The following CLNK variants were observed in gnomAD, a reference collection of about 807,000 sequenced individuals.
The protein encoded by CLNK is cytokine dependent hematopoietic cell linker.
Under a neutral mutation model 68.6 loss-of-function variants are expected in CLNK, and 74 were observed. The observed-to-expected ratio is 1.08, with a 90% confidence interval of 0.89 to 1.31. The LOEUF is 1.31. Among genes scored for constraint, CLNK ranks in the 50% most tolerant of loss-of-function variants. The probability of loss-of-function intolerance (pLI) is 0.00; values close to 1 mark genes in which losing one functional copy is unlikely to be tolerated. For missense variants in CLNK, 553 were observed against 515.3 expected, an observed-to-expected ratio of 1.07 and a Z score of -0.71; for synonymous variants, 198 against 172.2, an observed-to-expected ratio of 1.15 and a Z score of -1.17.
intron 8 of CLNK, among the ~76,000 whole-genome samples, chr4:10,557,033 G>A (rs1025059503): frequency 1.3e-5 from 2 of 151,698 alleles, no homozygotes; most frequent in South Asian, 2.1e-4. Context: ...CCAAGATCAC[G>A]CCACTGCACT....
chr4:10,602,881 C>T (rs2108848458), intron 2 of CLNK, among the ~76,000 whole-genome samples: 1 of 152,304 alleles, frequency 6.6e-6, no homozygotes, highest in Middle Eastern at 3.4e-3. Context: ...GGAAGGCTTT[C>T]ACTAGGTGGT....
intron 8 of CLNK, among the ~76,000 whole-genome samples, chr4:10,549,852 A>G (rs943333861): frequency 1.3e-5 from 2 of 152,264 alleles, no homozygotes; most frequent in African/African-American, 2.4e-5. Flanking sequence ...CCTGGTGGTC[A>G]TAACGTGTAA....
At chr4:10,712,186 A>G in the CLNK span, among the ~76,000 whole-genome samples, 3 of 152,158 alleles carry the variant, frequency 2.0e-5, no homozygotes, top group Non-Finnish European at 4.4e-5. Flanking sequence ...CCTCATAAAG[A>G]GAAAGGTGAG....
chr4:10,550,843 G>C (rs1052832874), intron 8 of CLNK, among the ~76,000 whole-genome samples: 1 of 152,070 alleles, frequency 6.6e-6, no homozygotes, highest in Non-Finnish European at 1.5e-5. Context: ...CTTCTCTTTG[G>C]CAAATCAGAA....
At chr4:10,573,735 T>C (rs1203127806) in intron 4 of CLNK, among the ~76,000 whole-genome samples, 2 of 152,176 alleles carry the variant, frequency 1.3e-5, no homozygotes, top group Non-Finnish European at 2.9e-5. Flanking sequence ...TGACATCTTC[T>C]TGGGGAGCTG....
chr4:10,636,187 T>C (rs4583750), intron 2 of CLNK, among the ~76,000 whole-genome samples: 32,254 of 152,028 alleles, frequency 0.21, 3,717 homozygotes, highest in Middle Eastern at 0.33. Flanking sequence ...TATTTGGATA[T>C]AGGGTCTTTG....
chr4:10,655,761 T>G (rs1421968322), intron 2 of CLNK, among the ~76,000 whole-genome samples: 3 of 148,630 alleles, frequency 2.0e-5, no homozygotes, highest in African/African-American at 7.5e-5. Flanking sequence ...GCCATTCTCC[T>G]GCCTCAGCCT....
the CLNK span, among the ~76,000 whole-genome samples, chr4:10,728,503 T>G: frequency 6.6e-6 from 1 of 152,112 alleles, no homozygotes; most frequent in Admixed American, 6.5e-5. Context: ...TTCCCCTTGG[T>G]CAACAGGTAC....
At chr4:10,570,922 C>T (rs1047399685) in intron 5 of CLNK, among the ~76,000 whole-genome samples, 1 of 152,142 alleles carries the variant, frequency 6.6e-6, no homozygotes, top group Non-Finnish European at 1.5e-5. Flanking sequence ...TTCAAATGTG[C>T]TGCCATTTAA....
intron 2 of CLNK, among the ~76,000 whole-genome samples, chr4:10,654,354 T>C (rs1227127091): frequency 7.0e-6 from 1 of 142,746 alleles, no homozygotes; most frequent in African/African-American, 2.5e-5. Context: ...AAAATATTGA[T>C]TAAATATATA....
intron 14 of CLNK, among the ~76,000 whole-genome samples, chr4:10,525,638 A>T (rs142072071): frequency 6.6e-6 from 1 of 152,216 alleles, no homozygotes; most frequent in Non-Finnish European, 1.5e-5. Flanking sequence ...TTAACACTCA[A>T]TCAATCATTT....
At chr4:10,640,794 C>T (rs1723279519) in intron 2 of CLNK, among the ~76,000 whole-genome samples, 1 of 152,224 alleles carries the variant, frequency 6.6e-6, no homozygotes, top group African/African-American at 2.4e-5. Context: ...CAGGAACTGT[C>T]CTTGTAGCAA....
At chr4:10,646,742 C>T (rs1940205523) in intron 2 of CLNK, among the ~76,000 whole-genome samples, 2 of 152,074 alleles carry the variant, frequency 1.3e-5, no homozygotes, top group African/African-American at 2.4e-5. Context: ...AATGTAACTG[C>T]CTATATTCCG....
chr4:10,587,924 C>G (rs1205563888), intron 3 of CLNK, among the ~76,000 whole-genome samples: 1 of 152,192 alleles, frequency 6.6e-6, no homozygotes, highest in Non-Finnish European at 1.5e-5. Flanking sequence ...CCCTTTCAAG[C>G]TGCCGGAGGT....
In CLNK at chr4:10,625,197, C is replaced by A. The variant is rs532777263; in HGVS notation, c.12-27148G>T. The stretch of plus-strand genomic sequence containing the variant: ...GATTTTAACAGACCAATCCACCAGG[C>A]CCTGTGGATGGCTGGCAAGATTTGA... On this transcript the variant is annotated intron_variant, in intron 2 of 18. Coordinates refer to ENST00000226951, the MANE Select transcript of CLNK (RefSeq NM_052964.4). 2.6e-5 allele frequency among the ~76,000 whole-genome samples: 4 copies of A among 152,278 alleles called. No individual in the cohort carries two copies. In the East Asian group the frequency reaches 7.7e-4, roughly 29 times the overall value.
At chr4:10,593,772 G>A (rs79151161) in intron 3 of CLNK, among the ~76,000 whole-genome samples, 3,796 of 152,302 alleles carry the variant, frequency 0.025, 142 homozygotes, top group African/African-American at 0.083. Context: ...TGTCCCCCTG[G>A]ATCTAACTAT....
At chr4:10,616,495 A>G (rs1376523838) in intron 2 of CLNK, among the ~76,000 whole-genome samples, 1 of 152,220 alleles carries the variant, frequency 6.6e-6, no homozygotes, top group Non-Finnish European at 1.5e-5. Flanking sequence ...AAGAACAAGT[A>G]AAGTCCTCAT....
rs546201618 is a variant in CLNK at position 10,675,291 on chromosome 4, G to A, written c.-42-7380C>T. ...CATTCGATTTGGGCACTAAAACCAG[G>A]ATGCCTGCTTCTGAGCTCAGAACCC... is the stretch of plus-strand genomic sequence containing the variant. On this transcript the variant is annotated intron_variant, in intron 1 of 18. Transcript: ENST00000226951. 5.9e-5 allele frequency among the ~76,000 whole-genome samples: 9 copies of A among 152,314 alleles called. No individual in the cohort carries two copies. The South Asian group carries it at 1.9e-3, about 32-fold the overall frequency.
intron 11 of CLNK, among the ~76,000 whole-genome samples, chr4:10,536,282 A>G (rs942686789): frequency 1.3e-5 from 2 of 151,886 alleles, no homozygotes; most frequent in Non-Finnish European, 2.9e-5. Flanking sequence ...CGGAGCAGGC[A>G]CTCTCCTGCA....
Sources: allele counts gnomAD v4.1 joint callset (sites outside exome capture counted in the v4.1 genomes callset), GRCh38; gene constraint gnomAD v4.1.1; transcripts MANE v1.5; gene names NCBI Gene and HGNC (gene_info 2026-07-23, HGNC 2026-07-21).